Variants in FAM83D observed in about 807,000 individuals in gnomAD.
FAM83D encodes protein FAM83D.
FAM83D carries 26 observed loss-of-function variants against 25.4 expected under a neutral mutation model. The observed-to-expected ratio is 1.02, with a 90% CI of 0.75 to 1.42. FAM83D has a LOEUF of 1.42. Among genes scored for constraint, FAM83D ranks in the 40% most tolerant of loss-of-function variants. The pLI is 0.00. For synonymous variants in FAM83D, 310 were observed against 318.5 expected (o/e 0.97, Z 0.28); for missense variants, 740 against 758.1 (o/e 0.98, Z 0.28).
chr20:38,936,426 T>G (rs2145802528), intron 1 of FAM83D, among the ~76,000 whole-genome samples: 1 of 150,918 alleles, frequency 6.6e-6, no homozygotes, highest in Admixed American at 6.6e-5. Context: ...AGAATATGAG[T>G]AGCTGCCATT....
chr20:38,943,481 C>T (rs1198814339), intron 2 of FAM83D, among the ~76,000 whole-genome samples: 3 of 152,184 alleles, frequency 2.0e-5, no homozygotes, highest in Admixed American at 2.0e-4. Context: ...CCTTGTATGT[C>T]TGCCTCCAAC....
intron 3 of FAM83D, among the ~76,000 whole-genome samples, chr20:38,948,961 A>C (rs1412673797): frequency 6.6e-6 from 1 of 152,242 alleles, no homozygotes; most frequent in African/African-American, 2.4e-5. Context: ...TAAGAAGTTT[A>C]TTAAAAAAAT....
intron 1 of FAM83D, among the ~76,000 whole-genome samples, chr20:38,940,521 A>T (rs1239408865): frequency 6.6e-6 from 1 of 152,196 alleles, no homozygotes; most frequent in East Asian, 1.9e-4. Context: ...GAATAATCCT[A>T]ACTTTCAGAA....
chr20:38,941,987 C>T lies in FAM83D; in HGVS notation c.512C>T (p.Thr171Ile). 6.2e-7 allele frequency: 1 copy of T among 1,614,170 alleles called. No homozygotes were observed. Among genetic ancestry groups the T allele is most frequent in the East Asian group, 2.2e-5 (1 of 44,896 alleles). Reference sequence around the variant, plus strand: ...ATTGCAGTGGTCATGGACGTGTTCACAGACATCGACATCTTCAGAGACCTG... The same window carrying T: ...ATTGCAGTGGTCATGGACGTGTTCATAGACATCGACATCTTCAGAGACCTG... ...EVIAVVMDVF[T>I]DIDIFRDLQE... Residue 171 changes from threonine to isoleucine, a missense_variant, in exon 2 of 4, where the codon ACA becomes ATA. By Grantham distance (89) the Thr-to-Ile change is moderately conservative. Coordinates refer to ENST00000619850, the MANE Select transcript of FAM83D (RefSeq NM_030919.3).
chr20:38,941,808 G>C (rs139828502), intron 1 of FAM83D, 151 bp from the exon 2 acceptor site: 3 of 744,308 alleles, frequency 4.0e-6, no homozygotes, highest in East Asian at 5.0e-5. Context: ...TCCATGGTGA[G>C]GGGGGCACCA....
rs775838541 is a variant in FAM83D, at chr20:38,951,756, A to T, written c.994A>T (p.Met332Leu). The T allele has an allele frequency of 5.0e-6, 8 of 1,614,192 alleles. No homozygotes were observed. In the Admixed American group the frequency reaches 1.2e-4, roughly 24 times the overall value. Residue 332 changes from methionine (M) to leucine (L), a missense_variant, in exon 4 of 4, where the codon ATG (methionine) becomes TTG (leucine). By Grantham distance (15) the Met-to-Leu change is conservative. Around this residue, in one of 3 missense-constraint regions of FAM83D, gnomAD observed 375 missense variants for 403.2 expected, o/e 0.93. Transcript: ENST00000619850. ...KELTLGNLLR[M>L]RLARLSSTPR... Reference sequence around the variant, plus strand: ...GCTCACCCTGGGCAACCTGCTGCGGATGCGGCTGGCTAGGCTGTCAAGTAC... The same window carrying T: ...GCTCACCCTGGGCAACCTGCTGCGGTTGCGGCTGGCTAGGCTGTCAAGTAC...
intron 2 of FAM83D, among the ~76,000 whole-genome samples, chr20:38,945,889 C>A (rs2085725747): frequency 6.6e-6 from 1 of 151,866 alleles, no homozygotes; most frequent in Non-Finnish European, 1.5e-5. Flanking sequence ...TGGCACTGCG[C>A]CCGGCTGGAT....
At chr20:38,948,255 G>A (rs962322851) in intron 3 of FAM83D, among the ~76,000 whole-genome samples, 18 of 152,190 alleles carry the variant, frequency 1.2e-4, no homozygotes, top group Non-Finnish European at 1.2e-4. Context: ...CAGTCAGCAA[G>A]TCCTAGATTT....
At chr20:38,936,106 C>G (rs1302452885) in intron 1 of FAM83D, among the ~76,000 whole-genome samples, 1 of 151,980 alleles carries the variant, frequency 6.6e-6, no homozygotes, top group East Asian at 1.9e-4. Flanking sequence ...GGTGGAATTC[C>G]AAGCATGTTG....
At chr20:38,949,913 C>T (rs992604585) in intron 3 of FAM83D, among the ~76,000 whole-genome samples, 3 of 152,124 alleles carry the variant, frequency 2.0e-5, no homozygotes, top group South Asian at 4.1e-4. Context: ...CCGCCTCCTG[C>T]GTTTACGTCA....
intron 1 of FAM83D, among the ~76,000 whole-genome samples, chr20:38,936,009 G>A (rs905810121): frequency 2.6e-5 from 4 of 152,200 alleles, no homozygotes; most frequent in African/African-American, 4.8e-5. Flanking sequence ...AAGGGTCAAT[G>A]GAGGCCATGT....
Position 38,951,982 on chromosome 20 carries a change from T to C in FAM83D, c.1220T>C (p.Val407Ala). Residue 407 changes from valine to alanine, a missense_variant, in exon 4 of 4, where the codon GTG (valine) becomes GCG (alanine). By Grantham distance (64) the Val-to-Ala change is moderately conservative. Coordinates refer to ENST00000619850, the MANE Select transcript of FAM83D (RefSeq NM_030919.3). ...EEMPGLSVSE[V>A]GTQTSITTAC... ...ATGCCAGGGCTGAGTGTGAGTGAGG[T>C]GGGAACACAAACCAGCATCACCACA... The C allele has an allele frequency of 6.2e-7, 1 of 1,614,036 alleles. No individual in the cohort carries two copies. Among genetic ancestry groups the C allele is most frequent in the Non-Finnish European group, 8.5e-7 (1 of 1,180,028 alleles).
At chr20:38,948,570 A>G (rs970363444) in intron 3 of FAM83D, among the ~76,000 whole-genome samples, 11 of 152,220 alleles carry the variant, frequency 7.2e-5, no homozygotes, top group Admixed American at 7.2e-4. Context: ...AGGAAGGTTG[A>G]AGAGAGGGTG....
rs780376110 is a variant in FAM83D, at chr20:38,926,732, C to T, written c.290C>T (p.Ser97Phe). Reference sequence around the variant, plus strand: ...TCGTTCGGCTCCTCGCACGACTGCTCTTCGGGCACCTACTTCCCCGAGCAG... The same window carrying T: ...TCGTTCGGCTCCTCGCACGACTGCTTTTCGGGCACCTACTTCCCCGAGCAG... ...EDSFGSSHDC[S>F]SGTYFPEQSD... is the part of the protein sequence containing the mutation. Residue 97 changes from serine to phenylalanine, a missense_variant, in exon 1 of 4, where the codon TCT (serine) becomes TTT (phenylalanine). Around this residue, in one of 3 missense-constraint regions of FAM83D, gnomAD observed 333 missense variants for 298.6 expected, o/e 1.12. Coordinates refer to ENST00000619850, the MANE Select transcript of FAM83D (RefSeq NM_030919.3). 4.6e-6 allele frequency: 7 copies of T among 1,529,084 alleles called. No individual in the cohort carries two copies. Among genetic ancestry groups the T allele is most frequent in the East Asian group, 2.5e-5 (1 of 40,074 alleles). The allele number at this position is 1,529,084 out of a possible 1,614,324, so 94.7% of individuals were successfully genotyped here.
chr20:38,952,353 C>T lies in FAM83D; in HGVS notation c.1591C>T (p.Arg531Trp), dbSNP rs147472094. The T allele has an allele frequency of 1.8e-4, 284 of 1,614,152 alleles. 2 individuals carry two copies. In the East Asian group the frequency reaches 3.3e-3, roughly 19 times the overall value. ...SDSLRNLNKE[R>W]QFHFAGIRSR... ...CTCACTTAGAAACTTGAACAAAGAG[C>T]GGCAATTCCACTTCGCTGGTATCAG... The change falls in exon 4 of 4, where the codon CGG (arginine) becomes TGG (tryptophan). Residue 531 changes from arginine (R) to tryptophan (W), a missense_variant. Physicochemically the swap from Arg to Trp is moderately radical, Grantham distance 101. Transcript: ENST00000619850.
At chr20:38,928,272 C>G (rs892860967) in intron 1 of FAM83D, among the ~76,000 whole-genome samples, 3 of 152,174 alleles carry the variant, frequency 2.0e-5, no homozygotes, top group Non-Finnish European at 2.9e-5. Flanking sequence ...AGTGCATTGT[C>G]AGGTTGACAT....
intron 1 of FAM83D, among the ~76,000 whole-genome samples, chr20:38,934,448 G>A (rs1461673947): frequency 2.0e-5 from 3 of 148,092 alleles, no homozygotes; most frequent in Admixed American, 6.8e-5. Context: ...AGCCAAGATC[G>A]TGCCATTGCA....
At position 38,952,271 on chromosome 20, in the gene FAM83D, C is replaced by G. The variant is rs746452559; in HGVS notation, c.1509C>G (p.His503Gln). The change falls in exon 4 of 4, where the codon CAC (histidine) becomes CAG (glutamine). Residue 503 changes from histidine to glutamine, a missense_variant. This residue lies in a region of FAM83D where 375 missense variants were observed against 403.2 expected (regional missense o/e 0.93). Coordinates refer to ENST00000619850, the MANE Select transcript of FAM83D (RefSeq NM_030919.3). ...SPASIRTTDF[H>Q]NPGYPKYLGT... ...CTTCCATCAGAACCACTGACTTCCA[C>G]AATCCTGGCTATCCCAAGTACCTGG... 1 of 1,614,176 alleles carries G rather than the reference C, an allele frequency of 6.2e-7. No individual in the cohort carries two copies. Among genetic ancestry groups the G allele is most frequent in the East Asian group, 2.2e-5 (1 of 44,888 alleles).
intron 1 of FAM83D, among the ~76,000 whole-genome samples, chr20:38,931,033 G>T (rs555457194): frequency 7.9e-5 from 12 of 152,064 alleles, no homozygotes; most frequent in African/African-American, 2.7e-4. Context: ...GCCTCCCAAA[G>T]TGCTGGGATT....
Sources: gnomAD v4.1 joint callset for allele counts (sites outside exome capture counted in the v4.1 genomes callset) on GRCh38, gnomAD v4.1.1 for gene constraint, gnomAD v4.1.1 regional missense constraint, MANE v1.5 for transcripts, NCBI Gene and HGNC (gene_info 2026-07-23, HGNC 2026-07-21) for gene names.